FOXP2: variants seen among roughly 807,000 people sequenced by gnomAD.
The protein encoded by FOXP2 is forkhead box P2, also known as forkhead box protein P2.
In FOXP2, 12 loss-of-function variants were observed where a neutral mutation model predicts 115.8. The ratio of observed to expected loss-of-function variants is 0.10; its 90% CI spans 0.07 to 0.17. FOXP2 has a LOEUF of 0.17. FOXP2 is among the 10% of genes least tolerant of loss of function. The pLI, the probability that FOXP2 is intolerant of heterozygous loss-of-function variation, is 1.00. For missense variants in FOXP2, 629 were observed against 843.5 expected (o/e 0.75, Z 3.15); for synonymous variants, 328 against 297.7 (o/e 1.10, Z -1.05).
chr7:114,304,754 C>T (rs1389219752), intron 2 of FOXP2, among the ~76,000 whole-genome samples: 2 of 149,968 alleles, frequency 1.3e-5, no homozygotes, highest in East Asian at 3.9e-4. Context: ...TCTCTATAAT[C>T]CATGTTCTCT....
chr7:114,623,834 A>G (rs1053642771), intron 3 of FOXP2, among the ~76,000 whole-genome samples: 1 of 151,832 alleles, frequency 6.6e-6, no homozygotes, highest in African/African-American at 2.4e-5. Flanking sequence ...CTGTTATTGC[A>G]CTGTGCTATA....
At chr7:114,392,164 T>C (rs1792619748) in intron 2 of FOXP2, among the ~76,000 whole-genome samples, 1 of 152,132 alleles carries the variant, frequency 6.6e-6, no homozygotes, top group Non-Finnish European at 1.5e-5. Flanking sequence ...CAGACAGTTT[T>C]CCAGTAGATA....
intron 2 of FOXP2, chr7:114,462,936 G>C (rs898581895): frequency 4.9e-5 from 14 of 286,244 alleles, no homozygotes; most frequent in African/African-American, 2.8e-4. Context: ...TCTTTTTATA[G>C]CAAATGATAC....
At chr7:114,396,390 A>C (rs1272994427) in intron 2 of FOXP2, among the ~76,000 whole-genome samples, 1 of 152,026 alleles carries the variant, frequency 6.6e-6, no homozygotes, top group Non-Finnish European at 1.5e-5. Context: ...TTATCCATTC[A>C]TCCATTGATG....
intron 2 of FOXP2, among the ~76,000 whole-genome samples, chr7:114,388,379 A>G (rs866560023): frequency 1.4e-5 from 2 of 147,828 alleles, no homozygotes; most frequent in Middle Eastern, 3.4e-3. Flanking sequence ...AAGTAAGTTG[A>G]CAAGGAACTT....
chr7:114,563,039 G>A (rs1186474224), intron 3 of FOXP2, among the ~76,000 whole-genome samples: 1 of 152,148 alleles, frequency 6.6e-6, no homozygotes, highest in Non-Finnish European at 1.5e-5. Context: ...TAGCAGCAGG[G>A]AAGAGAGCAT....
intron 16 of FOXP2, among the ~76,000 whole-genome samples, chr7:114,680,373 A>G (rs1204368172): frequency 6.6e-6 from 1 of 152,212 alleles, no homozygotes; most frequent in Non-Finnish European, 1.5e-5. Flanking sequence ...ATTATTTGCC[A>G]AATGGGTAAT....
At chr7:114,560,457 T>A (rs1011292865) in intron 3 of FOXP2, among the ~76,000 whole-genome samples, 16 of 151,880 alleles carry the variant, frequency 1.1e-4, no homozygotes, top group Admixed American at 1.0e-3. Flanking sequence ...ATACTAAAAA[T>A]ACTAAAAAAT....
At chr7:114,524,522 G>C (rs948277848) in intron 2 of FOXP2, among the ~76,000 whole-genome samples, 1 of 152,016 alleles carries the variant, frequency 6.6e-6, no homozygotes, top group Non-Finnish European at 1.5e-5. Flanking sequence ...CAGCCAGATA[G>C]TTGTTCAGAT....
At position 114,627,504 on chromosome 7, in the gene FOXP2, A is replaced by T. The variant is rs116591668; in HGVS notation, c.259-1036A>T. Among the ~76,000 whole-genome samples, 595 of 152,176 alleles carry T rather than the reference A, an allele frequency of 3.9e-3. 8 individuals are homozygous for T. Among genetic ancestry groups the T allele is most frequent in the African/African-American group, 0.014 (570 of 41,562 alleles). On this transcript the variant is annotated intron_variant, in intron 3 of 16. Transcript: ENST00000350908. ...TGTTACTTGCCTTCTATCTGAGCAT[A>T]TACTTTAGGTTTCTATACCAGTTTT...
rs942567543 is a variant in FOXP2 at position 114,426,364 on chromosome 7, T to C, written c.-10-138T>C. On this transcript the variant is annotated intron_variant, in intron 1 of 16. Transcript: ENST00000350908. The stretch of plus-strand genomic sequence containing the variant: ...AAAGCTGAATTTGTATTGCTTTCCT[T>C]GGTAAATGACTATTCAAGGCTTTTT... 153 of 753,496 alleles carry C rather than the reference T, an allele frequency of 2.0e-4. 1 individual carries two copies. In the East Asian group the frequency reaches 4.1e-3, roughly 20 times the overall value. The allele number at this position is 753,496 out of a possible 1,614,324, so 46.7% of individuals were successfully genotyped here. A position where few individuals can be genotyped will look rare whatever the true frequency, so the allele number is the denominator to read the frequency against.
chr7:114,655,644 T>C (rs1431290023), intron 10 of FOXP2, among the ~76,000 whole-genome samples: 1 of 152,028 alleles, frequency 6.6e-6, no homozygotes, highest in Non-Finnish European at 1.5e-5. Flanking sequence ...AGCTTCAAAA[T>C]TGATATGATA....
At chr7:114,672,235 T>C (rs1807526645) in intron 16 of FOXP2, among the ~76,000 whole-genome samples, 1 of 152,222 alleles carries the variant, frequency 6.6e-6, no homozygotes, top group South Asian at 2.1e-4. Context: ...CTGAGGTTCC[T>C]TTTGTTAATT....
chr7:114,372,359 T>A (rs1792033565), intron 2 of FOXP2, among the ~76,000 whole-genome samples: 1 of 152,184 alleles, frequency 6.6e-6, no homozygotes, highest in Non-Finnish European at 1.5e-5. Flanking sequence ...TATATAAATT[T>A]TCATCCAATC....
At chr7:114,416,393 T>C (rs1032685554) in intron 1 of FOXP2, 1 of 151,728 alleles carries the variant, frequency 6.6e-6, no homozygotes, top group Non-Finnish European at 1.5e-5. Flanking sequence ...CCAACAGCTT[T>C]TTCCTCTGAC....
intron 3 of FOXP2, among the ~76,000 whole-genome samples, chr7:114,554,482 G>A (rs1250638693): frequency 6.6e-6 from 1 of 152,090 alleles, no homozygotes; most frequent in African/African-American, 2.4e-5. Context: ...TAGTAACACA[G>A]TTCTAAAATT....
intron 1 of FOXP2, among the ~76,000 whole-genome samples, chr7:114,270,450 G>A (rs1406087): frequency 0.63 from 96,390 of 151,972 alleles, 31,641 homozygotes; most frequent in Middle Eastern, 0.82. Context: ...AATGAATGAA[G>A]GTTTCTGTTG....
At chr7:114,206,040 G>T (rs987441808) in intron 1 of FOXP2, among the ~76,000 whole-genome samples, 4 of 152,056 alleles carry the variant, frequency 2.6e-5, no homozygotes, top group Non-Finnish European at 5.9e-5. Context: ...GAATAGATTA[G>T]AACCTAAAGT....
intron 2 of FOXP2, among the ~76,000 whole-genome samples, chr7:114,291,960 A>ATAATATATAAT (rs1796611438): frequency 1.9e-5 from 1 of 53,104 alleles, no homozygotes; most frequent in Admixed American, 2.8e-4. Context: ...TAATATATAG[A>ATAATATATAAT]ATATATATTA....
Sources: gnomAD v4.1 joint callset for allele counts (sites outside exome capture counted in the v4.1 genomes callset) on GRCh38, gnomAD v4.1.1 for gene constraint, MANE v1.5 for transcripts, NCBI Gene and HGNC (gene_info 2026-07-23, HGNC 2026-07-21) for gene names.